Variants in SMYD3 observed in about 807,000 individuals in gnomAD.
SMYD3 encodes histone-lysine N-methyltransferase SMYD3.
Under a neutral mutation model 57.7 loss-of-function variants are expected in SMYD3, and 36 were observed. The observed-to-expected ratio is 0.62, with a 90% confidence interval of 0.48 to 0.82. SMYD3 has a LOEUF of 0.82. Among genes scored for constraint, SMYD3 ranks in the 40% least tolerant of loss-of-function variants. The pLI, the probability that SMYD3 is intolerant of heterozygous loss-of-function variation, is 0.00. For missense variants in SMYD3, 515 were observed against 538.8 expected (o/e 0.96, Z 0.44); for synonymous variants, 211 against 195.0 (o/e 1.08, Z -0.68).
intron 5 of SMYD3, among the ~76,000 whole-genome samples, chr1:246,201,528 C>A (rs981044721): frequency 6.6e-6 from 1 of 152,152 alleles, no homozygotes; most frequent in East Asian, 1.9e-4. Context: ...CCAGCTGTCA[C>A]GGCCTGCTGA....
intron 10 of SMYD3, among the ~76,000 whole-genome samples, chr1:245,851,762 A>T (rs1039166835): frequency 2.0e-5 from 3 of 152,182 alleles, no homozygotes; most frequent in Admixed American, 2.0e-4. Context: ...TACCAGAATA[A>T]AGTTCAGCAG....
intron 1 of SMYD3, among the ~76,000 whole-genome samples, chr1:246,365,762 G>C (rs576550640): frequency 2.6e-5 from 4 of 152,080 alleles, no homozygotes; most frequent in Non-Finnish European, 5.9e-5. Flanking sequence ...CTTTATTGTA[G>C]GAAACAAGGC....
At position 246,080,406 on chromosome 1, in the gene SMYD3, A is replaced by T. The variant is rs141966378; in HGVS notation, c.532-150469T>A. 4.6e-3 allele frequency among the ~76,000 whole-genome samples: 672 copies of T among 146,952 alleles called. 8 individuals carry two copies. Among genetic ancestry groups the T allele is most frequent in the African/African-American group, 0.016 (617 of 39,052 alleles). On this transcript the variant is annotated intron_variant, in intron 5 of 11. Transcript: ENST00000490107. Reference sequence around the variant, plus strand: ...GAGGGATCTAGGTTGTGTGCTCCTTATGAGACTCTAACTAATGCCTGATGA... The same window carrying T: ...GAGGGATCTAGGTTGTGTGCTCCTTTTGAGACTCTAACTAATGCCTGATGA...
intron 5 of SMYD3, among the ~76,000 whole-genome samples, chr1:245,983,078 C>T (rs908608217): frequency 3.3e-5 from 5 of 152,180 alleles, no homozygotes; most frequent in Admixed American, 2.6e-4. Context: ...TGACTTCCAA[C>T]GTGATCTTTC....
At position 246,139,669 on chromosome 1, in the gene SMYD3, A is replaced by G. The variant is rs1176336549; in HGVS notation, c.531+187532T>C. Reference sequence around the variant, plus strand: ...TAGAATTTTAAATTAAAAATTGTTGATATGTGCTAATATTACACAGAAAAT... The same window carrying G: ...TAGAATTTTAAATTAAAAATTGTTGGTATGTGCTAATATTACACAGAAAAT... On this transcript the variant is annotated intron_variant, in intron 5 of 11. Transcript: ENST00000490107. Among the ~76,000 whole-genome samples, 5 of 152,250 alleles carry G rather than the reference A, an allele frequency of 3.3e-5. No individual in the cohort carries two copies. The South Asian group carries it at 8.3e-4, about 25-fold the overall frequency.
At chr1:246,004,734 A>G (rs2059139839) in intron 5 of SMYD3, among the ~76,000 whole-genome samples, 2 of 152,358 alleles carry the variant, frequency 1.3e-5, no homozygotes, top group South Asian at 2.1e-4. Context: ...GAGGCCAGAC[A>G]GAGGGTGGTC....
chr1:245,925,877 A>G (rs544334711), intron 7 of SMYD3, among the ~76,000 whole-genome samples: 1 of 152,246 alleles, frequency 6.6e-6, no homozygotes, highest in Non-Finnish European at 1.5e-5. Flanking sequence ...AATATGGGAA[A>G]TCAGGGAAAG....
intron 1 of SMYD3, among the ~76,000 whole-genome samples, chr1:246,407,473 A>G (rs1572471008): frequency 6.6e-6 from 1 of 152,360 alleles, no homozygotes; most frequent in Non-Finnish European, 1.5e-5. Flanking sequence ...CAAAACATTT[A>G]TATAAAACAA....
chr1:246,414,880 C>T (rs1386641283), intron 1 of SMYD3, among the ~76,000 whole-genome samples: 1 of 151,956 alleles, frequency 6.6e-6, no homozygotes, highest in East Asian at 1.9e-4. Context: ...CCAGGCCCAG[C>T]TAATTTTTGT....
At chr1:246,356,804 T>A (rs891155131) in intron 1 of SMYD3, among the ~76,000 whole-genome samples, 28 of 152,262 alleles carry the variant, frequency 1.8e-4, no homozygotes, top group Middle Eastern at 6.8e-3. Context: ...ATGTTAAGCA[T>A]GCAAATCTAA....
chr1:246,347,275 T>C (rs2065737814), intron 2 of SMYD3, among the ~76,000 whole-genome samples: 1 of 152,156 alleles, frequency 6.6e-6, no homozygotes, highest in Admixed American at 6.5e-5. Flanking sequence ...GAAGTAATAA[T>C]GACTGAGAAG....
intron 10 of SMYD3, among the ~76,000 whole-genome samples, chr1:245,818,154 C>T (rs1346263002): frequency 6.6e-6 from 1 of 152,154 alleles, no homozygotes; most frequent in Non-Finnish European, 1.5e-5. Flanking sequence ...AGAGAAAGAT[C>T]GGGTTACCCT....
intron 5 of SMYD3, among the ~76,000 whole-genome samples, chr1:246,288,878 T>A (rs2064629045): frequency 6.6e-6 from 1 of 152,106 alleles, no homozygotes. Flanking sequence ...TTTGGGAGAC[T>A]GAGTTGTGTG....
intron 5 of SMYD3, among the ~76,000 whole-genome samples, chr1:246,059,700 T>A (rs1201261912): frequency 6.6e-6 from 1 of 152,088 alleles, no homozygotes; most frequent in Non-Finnish European, 1.5e-5. Context: ...AAAAGGCAAG[T>A]AAGATACGAT....
intron 10 of SMYD3, among the ~76,000 whole-genome samples, chr1:245,820,630 G>A (rs1458864744): frequency 2.0e-5 from 3 of 152,156 alleles, no homozygotes; most frequent in Non-Finnish European, 4.4e-5. Flanking sequence ...CGACATGATT[G>A]TATATCTAGA....
chr1:246,378,804 T>TA (rs1183960425), intron 1 of SMYD3, among the ~76,000 whole-genome samples: 4 of 111,482 alleles, frequency 3.6e-5, no homozygotes, highest in East Asian at 2.1e-4. Flanking sequence ...TATTTTTATA[T>TA]ATTATATATA....
At chr1:246,302,669 AG>A (rs945267231) in intron 5 of SMYD3, among the ~76,000 whole-genome samples, 45 of 152,244 alleles carry the variant, frequency 3.0e-4, no homozygotes, top group African/African-American at 1.1e-3. Flanking sequence ...TGCTTCACGA[AG>A]GGGTGGCTGC....
At chr1:246,327,791 A>G (rs2065380066) in intron 4 of SMYD3, among the ~76,000 whole-genome samples, 1 of 152,256 alleles carries the variant, frequency 6.6e-6, no homozygotes, top group Non-Finnish European at 1.5e-5. Flanking sequence ...AGAACTAAAA[A>G]GTTCAGATAA....
intron 1 of SMYD3, among the ~76,000 whole-genome samples, chr1:246,411,882 G>A (rs1365258290): frequency 6.7e-6 from 1 of 148,654 alleles, no homozygotes; most frequent in Non-Finnish European, 1.5e-5. Flanking sequence ...GCTAAATGAC[G>A]AGTTAATGGG....
Sources: gnomAD v4.1 joint callset for allele counts (sites outside exome capture counted in the v4.1 genomes callset) on GRCh38, gnomAD v4.1.1 for gene constraint, MANE v1.5 for transcripts, NCBI Gene and HGNC (gene_info 2026-07-23, HGNC 2026-07-21) for gene names.